FBN3: variants seen among roughly 807,000 people sequenced by gnomAD.
The protein encoded by FBN3 is fibrillin-3.
Under a neutral mutation model 330.1 loss-of-function variants are expected in FBN3, and 234 were observed. That is an observed-to-expected ratio of 0.71 (90% CI 0.64 to 0.79). The LOEUF (loss-of-function observed/expected upper bound fraction) is 0.79. Ranked by LOEUF, FBN3 falls within the 30% of genes least tolerant of loss-of-function variation. FBN3 has a pLI of 0.00. For missense variants in FBN3, 3,606 were observed against 3,886.9 expected (o/e 0.93, Z 1.92); for synonymous variants, 1,458 against 1,517.3 (o/e 0.96, Z 0.91).
At chr19:8,119,813 C>CTTTTTTTT (rs869084219) in intron 25 of FBN3, among the ~76,000 whole-genome samples, 2 of 48,782 alleles carry the variant, frequency 4.1e-5, no homozygotes, top group African/African-American at 9.4e-5. Flanking sequence ...CGAGCCCAGC[C>CTTTTTTTT]TTTTTTTTTT....
chr19:8,109,546 T>C lies in FBN3; in HGVS notation c.4456+85A>G. On this transcript the variant is annotated intron_variant, in intron 35 of 63. Coordinates refer to ENST00000600128, the MANE Select transcript of FBN3 (RefSeq NM_032447.5). The surrounding 1 kb of genome is among the most constrained non-coding windows in gnomAD (Gnocchi z 5.2). ...TCAGGAGCAGGTAGATTTGAACACGTTGACATCTGAGTTAACCCAGTGGGG... is the reference window on the plus strand; with the variant it reads ...TCAGGAGCAGGTAGATTTGAACACGCTGACATCTGAGTTAACCCAGTGGGG... 1 of 1,545,630 alleles carries C rather than the reference T, an allele frequency of 6.5e-7. No homozygotes were observed.
chr19:8,109,087 G>T lies in FBN3; in HGVS notation c.4618+140C>A. ...CCAAGACGTACACTGTGTGACCCAG[G>T]ATGAGCCCCTCTCCTCCCCCAGTTC... is the stretch of plus-strand genomic sequence containing the variant. On this transcript the variant is annotated intron_variant, in intron 36 of 63. Transcript: ENST00000600128. This position sits in a 1 kb window ranked among gnomAD's most constrained non-coding sequence, Gnocchi z 5.2. The T allele has an allele frequency of 1.3e-6, 1 of 750,302 alleles. No individual in the cohort carries two copies. Among genetic ancestry groups the T allele is most frequent in the Non-Finnish European group, 2.1e-6 (1 of 467,900 alleles). The allele number at this position is 750,302 out of a possible 1,614,324, so 46.5% of individuals were successfully genotyped here.
At chr19:8,136,670 A>G in intron 10 of FBN3, 139 bp from the exon 11 acceptor site, 1 of 1,137,282 alleles carries the variant, frequency 8.8e-7, no homozygotes, top group East Asian at 2.4e-5. Flanking sequence ...CCTCTTTCTC[A>G]TGGAGAGTCC....
intron 53 of FBN3, among the ~76,000 whole-genome samples, 192 bp downstream of exon 53, chr19:8,087,632 GT>G (rs200803985): frequency 0.047 from 5,231 of 110,792 alleles, 371 homozygotes; most frequent in African/African-American, 0.17. Flanking sequence ...TTGAGGCGGA[GT>G]TTTGCTCTTG....
In FBN3 at chr19:8,111,167, G is replaced by T; in HGVS notation, c.4101C>A (p.Ala1367=). ...CGTTGTCACAGAGGTCCACGTTCTC[G>T]GCACATTCATCCCTGTCTGAGGGGC... The part of the protein sequence containing the change: ...GFFCEDRDEC[A]ENVDLCDNGQ... Residue 1367 remains alanine, a synonymous_variant, in exon 33 of 64, where the codon GCC becomes GCA. Coordinates refer to ENST00000600128, the MANE Select transcript of FBN3 (RefSeq NM_032447.5). The T allele has an allele frequency of 6.2e-7, 1 of 1,605,908 alleles. No homozygotes were observed. Among genetic ancestry groups the T allele is most frequent in the Non-Finnish European group, 8.5e-7 (1 of 1,175,854 alleles).
chr19:8,090,142 C>G lies in FBN3; in HGVS notation c.6141G>C (p.Glu2047Asp), dbSNP rs1027122250. Reference protein sequence around the residue: ...TRCCCSKRPGEGWGDPCELCP... With the variant: ...TRCCCSKRPGDGWGDPCELCP... ...ACAGTTCGCAGGGGTCTCCCCAGCC[C>G]TCCCCAGGCCTCTTACTGCAGCAGC... Residue 2047 changes from glutamate (E) to aspartate (D), a missense_variant, in exon 49 of 64, where the codon GAG becomes GAC. By Grantham distance (45) the Glu-to-Asp change is conservative. Transcript: ENST00000600128. 6.2e-7 allele frequency: 1 copy of G among 1,613,902 alleles called. No homozygotes were observed. The highest frequency in any genetic ancestry group is 8.5e-7 in the Non-Finnish European group (1 of 1,179,988).
rs1003196377 is a variant in FBN3, at chr19:8,149,280, C to A, written c.-18+169G>T. On this transcript the variant is annotated intron_variant, in intron 1 of 63. Transcript: ENST00000600128. The surrounding 1 kb of genome is among the most constrained non-coding windows in gnomAD (Gnocchi z 5.5). ...GTCCCCGCGCCCCCACTCCCCACTGCGGCGGGCGCCACTAGAAGGCGGAGA... is the reference window on the plus strand; with the variant it reads ...GTCCCCGCGCCCCCACTCCCCACTGAGGCGGGCGCCACTAGAAGGCGGAGA... Among the ~76,000 whole-genome samples the A allele has an allele frequency of 1.3e-5, 2 of 151,634 alleles. No individual in the cohort carries two copies. Among genetic ancestry groups the A allele is most frequent in the African/African-American group, 4.8e-5 (2 of 41,332 alleles).
chr19:8,133,734 G>T (rs977653660), intron 13 of FBN3, among the ~76,000 whole-genome samples: 1 of 152,074 alleles, frequency 6.6e-6, no homozygotes, highest in Non-Finnish European at 1.5e-5. Flanking sequence ...TTACAGGCGT[G>T]AGCCACCGCG....
At chr19:8,088,220 C>G (rs767874442) in intron 51 of FBN3, 41 bp from the exon 52 acceptor site, 1 of 1,547,290 alleles carries the variant, frequency 6.5e-7, no homozygotes, top group Admixed American at 1.8e-5. Flanking sequence ...TGCAGAGGGT[C>G]CCCCATCCTC....
At position 8,099,502 on chromosome 19, in the gene FBN3, G is replaced by A. The variant is rs577028248; in HGVS notation, c.5161+1399C>T. On this transcript the variant is annotated intron_variant, in intron 41 of 63. Coordinates refer to ENST00000600128, the MANE Select transcript of FBN3 (RefSeq NM_032447.5). ...TCACCTTGTTAGCCAGGATGGTCTC[G>A]ATCTCCTGACCTCGTGATCCGCCTG... Among the ~76,000 whole-genome samples the A allele has an allele frequency of 5.0e-3, 761 of 151,088 alleles. 11 individuals are homozygous for A. The highest frequency in any genetic ancestry group is 0.018 in the African/African-American group (728 of 41,248).
chr19:8,083,380 A>G lies in FBN3; in HGVS notation c.7088-8T>C. ...TACGGCATTCATCTACATCTGGGAAAAAGTAGGGTGCAAATGGGGCTGGCT... is the reference window on the plus strand; with the variant it reads ...TACGGCATTCATCTACATCTGGGAAGAAGTAGGGTGCAAATGGGGCTGGCT... On this transcript the variant is annotated splice_region_variant and splice_polypyrimidine_tract_variant and intron_variant, in intron 56 of 63. Transcript: ENST00000600128. 1 of 1,613,822 alleles carries G rather than the reference A, an allele frequency of 6.2e-7. No homozygotes were observed. The highest frequency in any genetic ancestry group is 1.7e-5 in the Admixed American group (1 of 60,014).
chr19:8,109,492 T>C lies in FBN3; in HGVS notation c.4457-104A>G. ...CAACAGGTGACAAGGACAACCACTC[T>C]TGCAGGAGACCAGCAGATGTCCCGT... On this transcript the variant is annotated intron_variant, in intron 35 of 63. Transcript: ENST00000600128. This position sits in a 1 kb window ranked among gnomAD's most constrained non-coding sequence, Gnocchi z 5.2. 6.5e-7 allele frequency: 1 copy of C among 1,539,668 alleles called. No homozygotes were observed. Among genetic ancestry groups the C allele is most frequent in the East Asian group, 2.3e-5 (1 of 44,272 alleles).
intron 20 of FBN3, 56 bp from the exon 21 acceptor site, chr19:8,126,403 G>A (rs1044804608): frequency 1.3e-6 from 2 of 1,585,440 alleles, no homozygotes; most frequent in Non-Finnish European, 1.7e-6. Flanking sequence ...GCCAGCCCAA[G>A]GGGGGACCCG....
At chr19:8,110,997 C>A (rs768592436) in intron 33 of FBN3, 30 bp from the exon 34 acceptor site, 4 of 1,614,196 alleles carry the variant, frequency 2.5e-6, no homozygotes, top group Non-Finnish European at 3.4e-6. Context: ...GCCTGCCCCA[C>A]CCAGAGTCTG....
intron 6 of FBN3, among the ~76,000 whole-genome samples, chr19:8,144,310 T>C (rs2004237): frequency 0.25 from 37,291 of 151,662 alleles, 4,770 homozygotes; most frequent in South Asian, 0.47. Context: ...AGCGGGAGGA[T>C]TGGTTGAACC....
At chr19:8,099,143 T>C (rs1367328991) in intron 41 of FBN3, among the ~76,000 whole-genome samples, 1 of 137,768 alleles carries the variant, frequency 7.3e-6, no homozygotes, top group Admixed American at 6.8e-5. Context: ...GGGGGACCTA[T>C]TATGTAATGA....
rs1368678034 is a variant in FBN3 at position 8,131,724 on chromosome 19, TC to T, written c.1819del (p.Asp607MetfsTer170). 6.2e-7 allele frequency: 1 copy of T among 1,613,686 alleles called. No individual in the cohort carries two copies. Among genetic ancestry groups the T allele is most frequent in the East Asian group, 2.2e-5 (1 of 44,880 alleles). On this transcript the variant is annotated frameshift_variant, in exon 15 of 64. Coordinates refer to ENST00000600128, the MANE Select transcript of FBN3 (RefSeq NM_032447.5). LOFTEE classifies it high-confidence loss of function. The surrounding 1 kb of genome is among the most constrained non-coding windows in gnomAD (Gnocchi z 4.5). ...GTGGGTGTCCACGCACACGCGGCCATCCGTGCCTACCGCCAGCCCCCCCAGG... is the reference window on the plus strand; with the variant it reads ...GTGGGTGTCCACGCACACGCGGCCATCGTGCCTACCGCCAGCCCCCCCAGG... ...QCLGGLAVGTDGRVCVDTHVR... is the reference protein window; with the variant it reads ...QCLGGLAVGTXGRVCVDTHVR...
At chr19:8,134,414 A>G (rs1030752188) in intron 13 of FBN3, among the ~76,000 whole-genome samples, 1 of 152,160 alleles carries the variant, frequency 6.6e-6, no homozygotes, top group Non-Finnish European at 1.5e-5. Context: ...TTATTCGGCC[A>G]TGAAAAAGAA....
chr19:8,069,435 G>A (rs949667184), intron 63 of FBN3, among the ~76,000 whole-genome samples: 4 of 152,064 alleles, frequency 2.6e-5, no homozygotes, highest in African/African-American at 9.7e-5. Context: ...ACATGCCGAC[G>A]GAGTGTTTTG....
Sources: allele counts gnomAD v4.1 joint callset (sites outside exome capture counted in the v4.1 genomes callset), GRCh38; gene constraint gnomAD v4.1.1; non-coding constraint Gnocchi (gnomAD v3.1); transcripts MANE v1.5; gene names NCBI Gene and HGNC (gene_info 2026-07-23, HGNC 2026-07-21).